The following GABRG3 variants were observed in gnomAD, a reference collection of about 807,000 sequenced individuals.
The protein encoded by GABRG3 is gamma-aminobutyric acid type A receptor subunit gamma3, also known as gamma-aminobutyric acid receptor subunit gamma-3.
Under a neutral mutation model 48.8 loss-of-function variants are expected in GABRG3, and 25 were observed. That is an observed-to-expected ratio of 0.51 (90% CI 0.37 to 0.72). The LOEUF is 0.72. Among genes scored for constraint, GABRG3 ranks in the 30% least tolerant of loss-of-function variants. The pLI is 0.00. For missense variants in GABRG3, 394 were observed against 577.9 expected, an observed-to-expected ratio of 0.68 and a Z score of 3.26; for synonymous variants, 227 against 217.6, an observed-to-expected ratio of 1.04 and a Z score of -0.38.
In GABRG3 at chr15:27,326,860, C is replaced by A; in HGVS notation, c.322C>A (p.Arg108=). 6.2e-7 allele frequency: 1 copy of A among 1,613,968 alleles called. No individual in the cohort carries two copies. ...FAQTWTDSRL[R]FNSTMKILTL... Reference sequence around the variant, plus strand: ...TCAGACCTGGACAGATAGTCGCCTTCGATTCAACAGCACAATGAAAATTCT... The same window carrying A: ...TCAGACCTGGACAGATAGTCGCCTTAGATTCAACAGCACAATGAAAATTCT... Residue 108 remains arginine, a synonymous_variant, in exon 4 of 10, where the codon CGA becomes AGA. Coordinates refer to ENST00000615808, the MANE Select transcript of GABRG3 (RefSeq NM_033223.5).
chr15:27,188,359 C>T (rs1298137419), intron 3 of GABRG3, among the ~76,000 whole-genome samples: 1 of 152,170 alleles, frequency 6.6e-6, no homozygotes, highest in Non-Finnish European at 1.5e-5. Context: ...GTAAAATGTT[C>T]CTATTTCTCC....
chr15:27,243,641 C>T (rs1475872057), intron 3 of GABRG3, among the ~76,000 whole-genome samples: 3 of 152,260 alleles, frequency 2.0e-5, no homozygotes, highest in South Asian at 2.1e-4. Context: ...GTTTTGCCTC[C>T]TGGGCTGGTT....
chr15:27,151,236 C>T (rs955933060), intron 3 of GABRG3, among the ~76,000 whole-genome samples: 22 of 152,112 alleles, frequency 1.4e-4, no homozygotes, highest in Non-Finnish European at 1.5e-5. Context: ...ACACATTTCC[C>T]TCATGCTCTC....
intron 3 of GABRG3, among the ~76,000 whole-genome samples, chr15:27,082,092 G>A (rs1170866310): frequency 6.6e-6 from 1 of 152,178 alleles, no homozygotes; most frequent in African/African-American, 2.4e-5. Context: ...GAAGCTCTGT[G>A]GTCAAGATTC....
At position 27,328,131 on chromosome 15, in the gene GABRG3, A is replaced by C. The variant is rs1167803022; in HGVS notation, c.492-675A>C. Among the ~76,000 whole-genome samples, 44 of 126,116 alleles carry C rather than the reference A, an allele frequency of 3.5e-4. No individual in the cohort carries two copies. The East Asian group carries it at 8.9e-3, about 25-fold the overall frequency. 82.7% of individuals were successfully genotyped at this position (126,116 alleles called of 152,430 possible). A position where few individuals can be genotyped will look rare whatever the true frequency, so the allele number is the denominator to read the frequency against. On this transcript the variant is annotated intron_variant, in intron 4 of 9. Transcript: ENST00000615808. Reference sequence around the variant, plus strand: ...AACAAACAAACAAAAAAAAAAACCAAAAAAAAAAAACACGCCACAGCTGGG... The same window carrying C: ...AACAAACAAACAAAAAAAAAAACCACAAAAAAAAAACACGCCACAGCTGGG...
intron 5 of GABRG3, among the ~76,000 whole-genome samples, chr15:27,354,298 T>A (rs981526364): frequency 1.6e-4 from 24 of 152,362 alleles, no homozygotes; most frequent in African/African-American, 5.5e-4. Context: ...CCTGCGTACC[T>A]CCTTCTCACC....
chr15:27,032,405 A>G (rs1019296255), intron 3 of GABRG3, among the ~76,000 whole-genome samples: 1 of 152,158 alleles, frequency 6.6e-6, no homozygotes, highest in African/African-American at 2.4e-5. Context: ...CTGTAAAGGA[A>G]TATCTGAGAC....
chr15:27,139,152 G>A (rs1013920656), intron 3 of GABRG3, among the ~76,000 whole-genome samples: 4 of 152,166 alleles, frequency 2.6e-5, no homozygotes, highest in African/African-American at 9.7e-5. Context: ...CAAGCTGGAG[G>A]ACTGGGGAGG....
intron 3 of GABRG3, among the ~76,000 whole-genome samples, chr15:27,189,365 G>T (rs1888215533): frequency 6.6e-6 from 1 of 152,128 alleles, no homozygotes; most frequent in African/African-American, 2.4e-5. Flanking sequence ...CATGAGCATG[G>T]AATGTTCTTC....
At chr15:27,042,441 G>A (rs916942784) in intron 3 of GABRG3, among the ~76,000 whole-genome samples, 13 of 152,136 alleles carry the variant, frequency 8.5e-5, no homozygotes, top group Non-Finnish European at 1.5e-4. Context: ...CTGCCAAGCC[G>A]CCCTCCAGAA....
At position 27,179,167 on chromosome 15, in the gene GABRG3, A is replaced by G. The variant is rs532093699; in HGVS notation, c.271-147642A>G. Among the ~76,000 whole-genome samples, 1 of 152,164 alleles carries G rather than the reference A, an allele frequency of 6.6e-6. No individual in the cohort carries two copies. ...AGCTTACAAGTCAGAAATTATGAAAATCCTCTTCAGAAATTCTAATCAATG... is the reference window on the plus strand; with the variant it reads ...AGCTTACAAGTCAGAAATTATGAAAGTCCTCTTCAGAAATTCTAATCAATG... On this transcript the variant is annotated intron_variant, in intron 3 of 9. Transcript: ENST00000615808. The surrounding 1 kb of genome is among the most constrained non-coding windows in gnomAD (Gnocchi z 4.0).
At chr15:27,359,519 G>A (rs1000809860) in intron 5 of GABRG3, among the ~76,000 whole-genome samples, 1 of 152,192 alleles carries the variant, frequency 6.6e-6, no homozygotes, top group Non-Finnish European at 1.5e-5. Flanking sequence ...AGGATGAACA[G>A]TACAATTATA....
At position 27,507,178 on chromosome 15, in the gene GABRG3, G is replaced by A. The variant is rs1394295947; in HGVS notation, c.713-12794G>A. ...TAGTTTATTTGTACTATAGTCTAAG[G>A]ACTTACTTTGTATGATTTATATTCT... On this transcript the variant is annotated intron_variant, in intron 6 of 9. Coordinates refer to ENST00000615808, the MANE Select transcript of GABRG3 (RefSeq NM_033223.5). 2.6e-5 allele frequency among the ~76,000 whole-genome samples: 4 copies of A among 152,004 alleles called. No homozygotes were observed. The East Asian group carries it at 5.8e-4, about 22-fold the overall frequency.
chr15:27,333,696 GTACT>G (rs1430551372), intron 5 of GABRG3, among the ~76,000 whole-genome samples: 1 of 152,148 alleles, frequency 6.6e-6, no homozygotes, highest in African/African-American at 2.4e-5. Context: ...CCTGCCACGA[GTACT>G]AGTCACTCAG....
chr15:27,036,599 A>T (rs1896183319), intron 3 of GABRG3, among the ~76,000 whole-genome samples: 2 of 152,144 alleles, frequency 1.3e-5, no homozygotes. Flanking sequence ...CTGAGGCAGG[A>T]GAATCGCTTG....
At chr15:27,343,476 C>CA (rs1485768147) in intron 5 of GABRG3, among the ~76,000 whole-genome samples, 32 of 152,246 alleles carry the variant, frequency 2.1e-4, no homozygotes, top group Non-Finnish European at 3.8e-4. Context: ...TCAATATTTT[C>CA]AAAAAAGTTT....
chr15:27,253,608 C>T (rs1890526884), intron 3 of GABRG3, among the ~76,000 whole-genome samples: 1 of 152,228 alleles, frequency 6.6e-6, no homozygotes, highest in Admixed American at 6.5e-5. Context: ...TAAGCATCCT[C>T]TGGGAAGCTG....
At chr15:27,187,833 C>T (rs999608552) in intron 3 of GABRG3, among the ~76,000 whole-genome samples, 34 of 151,376 alleles carry the variant, frequency 2.2e-4, no homozygotes, top group African/African-American at 7.0e-4. Flanking sequence ...CCCACTAACT[C>T]GTCATCTAGC....
intron 3 of GABRG3, among the ~76,000 whole-genome samples, chr15:27,130,602 T>G (rs186484927): frequency 1.3e-5 from 2 of 152,206 alleles, no homozygotes; most frequent in Admixed American, 6.5e-5. Context: ...TTAATAGAGA[T>G]TACATTAAAT....
Sources: gnomAD v4.1 joint callset for allele counts (sites outside exome capture counted in the v4.1 genomes callset) on GRCh38, gnomAD v4.1.1 for gene constraint, Gnocchi (gnomAD v3.1) non-coding constraint, MANE v1.5 for transcripts, NCBI Gene and HGNC (gene_info 2026-07-23, HGNC 2026-07-21) for gene names.